Variants in MOV10 observed in about 807,000 individuals in gnomAD.
The protein encoded by MOV10 is Mov10 RNA helicase, also known as RNA helicase MOV-10.
MOV10 carries 39 observed loss-of-function variants against 108.4 expected under a neutral mutation model. The observed-to-expected ratio is 0.36, with a 90% CI of 0.28 to 0.47. The LOEUF is 0.47. Ranked by LOEUF, MOV10 falls within the 20% of genes least tolerant of loss-of-function variation. The pLI is 1.00. For synonymous variants in MOV10, 490 were observed against 523.1 expected, an observed-to-expected ratio of 0.94 and a Z score of 0.86; for missense variants, 952 against 1,297.6, an observed-to-expected ratio of 0.73 and a Z score of 4.09.
chr1:112,685,202 TCA>T (rs1672975622), intron 2 of MOV10: 1 of 143,080 alleles, frequency 7.0e-6, no homozygotes, highest in Admixed American at 7.1e-5. Context: ...TTTTTTTTTT[TCA>T]CTATTGCCCA....
chr1:112,696,445 C>T lies in MOV10; in HGVS notation c.1892C>T (p.Ser631Leu). 2.5e-6 allele frequency: 4 copies of T among 1,613,676 alleles called. No individual in the cohort carries two copies. The highest frequency in any genetic ancestry group is 3.4e-6 in the Non-Finnish European group (4 of 1,179,612). Residue 631 changes from serine (S) to leucine (L), a missense_variant, in exon 13 of 21, where the codon TCG becomes TTG. Ser to Leu is a moderately radical substitution (Grantham distance 145, BLOSUM62 -2). Transcript: ENST00000369645. ...GGCCTGACACCTCCCAGGTTGGTCT[C>T]GGCCCAGTTTCCCATTGATCACTTC... ...TTLITAGRLV[S>L]AQFPIDHFTH...
rs1285186537 is a variant in MOV10 at position 112,697,852 on chromosome 1, A to T, written c.2199-142A>T. On this transcript the variant is annotated intron_variant, in intron 14 of 20. Transcript: ENST00000369645. ...TGGTTTACAGTGCCTGGCAGCAGAT[A>T]TTATGGAGGAGTGTCCTGCTATCCA... 1.4e-5 allele frequency: 10 copies of T among 697,734 alleles called. No individual in the cohort carries two copies. The East Asian group carries it at 2.2e-4, about 16-fold the overall frequency. 43.2% of individuals were successfully genotyped at this position (697,734 alleles called of 1,614,324 possible).
intron 7 of MOV10, 29 bp downstream of exon 7, chr1:112,692,958 G>A (rs749062576): frequency 1.3e-6 from 2 of 1,584,936 alleles, no homozygotes; most frequent in Non-Finnish European, 1.7e-6. Context: ...TGTGAGGAGG[G>A]TGGGCTCAAG....
intron 1 of MOV10, 25 bp downstream of exon 1, chr1:112,674,754 G>T (rs1468993687): frequency 1.6e-6 from 1 of 633,492 alleles, no homozygotes; most frequent in Admixed American, 3.7e-5. Context: ...GAGGAGGGAA[G>T]CCTGGTGGGG....
intron 2 of MOV10, among the ~76,000 whole-genome samples, chr1:112,685,423 G>A (rs1322754902): frequency 2.0e-5 from 3 of 151,872 alleles, no homozygotes; most frequent in African/African-American, 7.3e-5. Flanking sequence ...TTGGGAGGCC[G>A]AGGCGGGCAG....
At position 112,692,608 on chromosome 1, in the gene MOV10, C is replaced by G. The variant is rs754117206; in HGVS notation, c.972-153C>G. ...AGGCTTCCTTCTTCAGGGCCTCTGA[C>G]TCTCATCCACTTCTGTATCCCTCTA... On this transcript the variant is annotated intron_variant, in intron 6 of 20. Coordinates refer to ENST00000369645, the MANE Select transcript of MOV10 (RefSeq NM_001321324.2). 2.7e-4 allele frequency among the ~76,000 whole-genome samples: 41 copies of G among 152,216 alleles called. 1 individual carries two copies. Among genetic ancestry groups the G allele is most frequent in the Non-Finnish European group, 4.1e-4 (28 of 68,034 alleles).
Position 112,698,283 on chromosome 1 carries a change from C to G in MOV10, c.2317-4C>G. ...CTGACGGTTTCCCCCGACCCCATGT[C>G]CAGGGCTTTCCCATCATCTTTCACG... On this transcript the variant is annotated splice_polypyrimidine_tract_variant and splice_region_variant and intron_variant, in intron 15 of 20. Coordinates refer to ENST00000369645, the MANE Select transcript of MOV10 (RefSeq NM_001321324.2). 1.2e-6 allele frequency: 2 copies of G among 1,612,608 alleles called. 1 individual carries two copies. Among genetic ancestry groups the G allele is most frequent in the South Asian group, 2.2e-5 (2 of 90,948 alleles).
At position 112,689,982 on chromosome 1, in the gene MOV10, C is replaced by G; in HGVS notation, c.720C>G (p.Ala240=). The change falls in exon 5 of 21, where the codon GCC becomes GCG. Residue 240 remains alanine, a synonymous_variant. Transcript: ENST00000369645. ...GTFYIARFLA[A]VAHSPLAAQL... ...TCTACATTGCCCGCTTCTTGGCTGC[C>G]GTCGCCCACAGCCCCCTGGCTGCAC... 4 of 1,614,138 alleles carry G rather than the reference C, an allele frequency of 2.5e-6. No individual in the cohort carries two copies. The highest frequency in any genetic ancestry group is 2.2e-5 in the South Asian group (2 of 91,084).
chr1:112,693,111 A>C (rs1673733552), intron 7 of MOV10, among the ~76,000 whole-genome samples, 182 bp downstream of exon 7: 1 of 152,226 alleles, frequency 6.6e-6, no homozygotes. Flanking sequence ...GAAATGGGGA[A>C]GATCTGGGTT....
At chr1:112,691,857 G>A in intron 6 of MOV10, 58 bp downstream of exon 6, 1 of 1,573,844 alleles carries the variant, frequency 6.4e-7, no homozygotes, top group South Asian at 1.1e-5. Context: ...TGGCTTCTTT[G>A]CATTGCCCTG....
At chr1:112,699,843 T>C (rs1008077839) in intron 18 of MOV10, 33 bp downstream of exon 18, 4 of 1,613,898 alleles carry the variant, frequency 2.5e-6, no homozygotes, top group Non-Finnish European at 3.4e-6. Flanking sequence ...CAGGAATTCT[T>C]CCATTCTCGG....
Position 112,689,595 on chromosome 1 carries a change from A to G in MOV10, c.522A>G (p.Thr174=). Residue 174 remains threonine (T), a synonymous_variant, in exon 4 of 21, where the codon ACA becomes ACG. Transcript: ENST00000369645. ...CTCACCTCTTCCCACTCTGCCGGAC[A>G]CCCCAGTTTGCTTTCTACAATGAAG... The part of the protein sequence containing the change: ...TLTHLFPLCR[T]PQFAFYNEDQ... 1 of 1,614,076 alleles carries G rather than the reference A, an allele frequency of 6.2e-7. No individual in the cohort carries two copies. The highest frequency in any genetic ancestry group is 1.3e-5 in the African/African-American group (1 of 74,992).
intron 2 of MOV10, among the ~76,000 whole-genome samples, chr1:112,678,155 C>G (rs1406587636): frequency 6.6e-6 from 1 of 152,060 alleles, no homozygotes; most frequent in Non-Finnish European, 1.5e-5. Flanking sequence ...GTACCTTTCT[C>G]TCGGGGTTGT....
intron 2 of MOV10, chr1:112,686,857 T>C: frequency 2.2e-6 from 1 of 447,038 alleles, no homozygotes; most frequent in South Asian, 1.6e-5. Flanking sequence ...TATTAGCGAA[T>C]CTTGCCGCTC....
chr1:112,674,924 GTT>G lies in MOV10; in HGVS notation c.13_14del (p.Phe5GlnfsTer35). 6.3e-7 allele frequency: 1 copy of G among 1,584,462 alleles called. No individual in the cohort carries two copies. The highest frequency in any genetic ancestry group is 8.6e-7 in the Non-Finnish European group (1 of 1,166,416). On this transcript the variant is annotated frameshift_variant, in exon 2 of 21. Coordinates refer to ENST00000369645, the MANE Select transcript of MOV10 (RefSeq NM_001321324.2). LOFTEE classifies it high-confidence loss of function. ...CAGCCGCCGCCGCGATGCCCAGTAA[GTT>G]CAGCTGCCGGCAGCTCCGGGAGGCG... MPSK[F>X]SCRQLREAGQ...
chr1:112,699,678 C>G lies in MOV10; in HGVS notation c.2584-7C>G, dbSNP rs892838386. The G allele has an allele frequency of 6.2e-7, 1 of 1,614,174 alleles. No individual in the cohort carries two copies. The highest frequency in any genetic ancestry group is 8.5e-7 in the Non-Finnish European group (1 of 1,180,022). On this transcript the variant is annotated splice_polypyrimidine_tract_variant and splice_region_variant and intron_variant, in intron 17 of 20. Transcript: ENST00000369645. ...CTGGTCTCAGGCCCTGCCTCTTTCC[C>G]CACTAGGTGGGTTCAGTAGAAGAAT...
chr1:112,677,227 A>T (rs1672266659), intron 2 of MOV10, among the ~76,000 whole-genome samples: 1 of 152,218 alleles, frequency 6.6e-6, no homozygotes, highest in South Asian at 2.1e-4. Flanking sequence ...ATTTGCCTCA[A>T]AAATAGAAAA....
chr1:112,700,550 G>A lies in MOV10; in HGVS notation c.*43G>A. 1 of 1,606,830 alleles carries A rather than the reference G, an allele frequency of 6.2e-7. No homozygotes were observed. The highest frequency in any genetic ancestry group is 8.5e-7 in the Non-Finnish European group (1 of 1,176,250). On this transcript the variant is annotated 3_prime_UTR_variant, in exon 21 of 21. Transcript: ENST00000369645. ...TTCTCGCACCAGCCAAGCCTTAACT[G>A]CCTGCCTGACCCTGAACCAGAACCC...
At chr1:112,698,590 A>G in intron 16 of MOV10, 112 bp downstream of exon 16, 2 of 1,435,178 alleles carry the variant, frequency 1.4e-6, no homozygotes, top group African/African-American at 1.4e-5. Context: ...CTGGCTCCGT[A>G]TCTCAGAAGA....
Sources: allele counts gnomAD v4.1 joint callset (sites outside exome capture counted in the v4.1 genomes callset), GRCh38; gene constraint gnomAD v4.1.1; transcripts MANE v1.5; gene names NCBI Gene and HGNC (gene_info 2026-07-23, HGNC 2026-07-21).